Variants in SLCO2A1 observed in about 807,000 individuals in gnomAD.
The protein encoded by SLCO2A1 is solute carrier organic anion transporter family member 2A1.
In SLCO2A1, 60 loss-of-function variants were observed where a neutral mutation model predicts 71.7. That is an observed-to-expected ratio of 0.84 (90% confidence interval 0.68 to 1.04). SLCO2A1 has a LOEUF of 1.04. SLCO2A1 is among the 50% of genes least tolerant of loss of function. The pLI is 0.00. For missense variants in SLCO2A1, 745 were observed against 813.4 expected (o/e 0.92, Z 1.02); for synonymous variants, 308 against 326.7 (o/e 0.94, Z 0.62).
chr3:133,961,524 T>G (rs777646979), intron 3 of SLCO2A1, among the ~76,000 whole-genome samples: 6 of 152,222 alleles, frequency 3.9e-5, no homozygotes, highest in Non-Finnish European at 7.3e-5. Context: ...AATGACTTAT[T>G]AAGTCTTCAT....
At chr3:133,976,706 GA>G (rs1934464422) in intron 2 of SLCO2A1, among the ~76,000 whole-genome samples, 1 of 152,010 alleles carries the variant, frequency 6.6e-6, no homozygotes, top group Non-Finnish European at 1.5e-5. Context: ...GAGACTCTTT[GA>G]AAGCTGTTAC....
intron 1 of SLCO2A1, among the ~76,000 whole-genome samples, chr3:133,983,933 C>T (rs553194947): frequency 2.6e-5 from 4 of 152,228 alleles, no homozygotes; most frequent in East Asian, 1.9e-4. Context: ...AAAGAAGAGA[C>T]GGGGCTGTTT....
chr3:133,980,663 G>A (rs1016934142), intron 1 of SLCO2A1, among the ~76,000 whole-genome samples: 7 of 152,226 alleles, frequency 4.6e-5, no homozygotes, highest in African/African-American at 1.7e-4. Context: ...GAGAGCAACC[G>A]GGGCTCCACC....
intron 3 of SLCO2A1, among the ~76,000 whole-genome samples, chr3:133,970,669 G>T (rs914097873): frequency 2.0e-5 from 3 of 152,212 alleles, no homozygotes; most frequent in African/African-American, 7.2e-5. Context: ...CCAGGAAGAT[G>T]CCCGAAGGTA....
At chr3:133,970,116 G>T (rs1413222501) in intron 3 of SLCO2A1, among the ~76,000 whole-genome samples, 1 of 152,168 alleles carries the variant, frequency 6.6e-6, no homozygotes, top group Non-Finnish European at 1.5e-5. Flanking sequence ...TCTCCTTTGG[G>T]ATCCAGAAAG....
chr3:133,950,292 G>T (rs765404548), intron 6 of SLCO2A1, among the ~76,000 whole-genome samples: 2 of 152,084 alleles, frequency 1.3e-5, no homozygotes, highest in Non-Finnish European at 2.9e-5. Context: ...CCCCCCGGCT[G>T]GGCCTAGATT....
intron 2 of SLCO2A1, among the ~76,000 whole-genome samples, chr3:133,978,028 G>C (rs1468148550): frequency 1.3e-5 from 2 of 152,160 alleles, no homozygotes; most frequent in Non-Finnish European, 2.9e-5. Context: ...CAGAGGAGGA[G>C]GTCTCAGGCC....
At chr3:133,954,059 G>A (rs547168473) in intron 4 of SLCO2A1, among the ~76,000 whole-genome samples, 113 of 152,250 alleles carry the variant, frequency 7.4e-4, no homozygotes, top group Middle Eastern at 3.4e-3. Flanking sequence ...ACGATGCTGG[G>A]GGCCCTCGGA....
At position 133,985,658 on chromosome 3, in the gene SLCO2A1, T is replaced by C. The variant is rs569461360; in HGVS notation, c.97-6040A>G. On this transcript the variant is annotated intron_variant, in intron 1 of 13. Transcript: ENST00000310926. ...ATTGACATTTCCTCCCACCAGAATA[T>C]AGACTTCATGGTGGAAATACAATGT... 1.2e-4 allele frequency among the ~76,000 whole-genome samples: 19 copies of C among 152,352 alleles called. No homozygotes were observed. In the East Asian group the frequency reaches 1.9e-3, roughly 15 times the overall value.
intron 1 of SLCO2A1, among the ~76,000 whole-genome samples, chr3:134,016,021 C>G (rs7630191): frequency 0.52 from 79,480 of 151,840 alleles, 22,267 homozygotes; most frequent in South Asian, 0.68. Flanking sequence ...TAACCTAAAC[C>G]TTACATCCAT....
chr3:133,949,818 T>C lies in SLCO2A1; in HGVS notation c.862-847A>G, dbSNP rs34046215. Among the ~76,000 whole-genome samples, 75 of 152,064 alleles carry C rather than the reference T, an allele frequency of 4.9e-4. 1 individual carries two copies. In the South Asian group the frequency reaches 0.012, roughly 25 times the overall value. On this transcript the variant is annotated intron_variant, in intron 6 of 13. Transcript: ENST00000310926. ...CGAAGCTCACTCAGCTAGTTCATTGTTTTTTATTTTTTATTTTTATTTTTT... is the reference window on the plus strand; with the variant it reads ...CGAAGCTCACTCAGCTAGTTCATTGCTTTTTATTTTTTATTTTTATTTTTT...
At chr3:134,016,824 G>C (rs766757775) in intron 1 of SLCO2A1, among the ~76,000 whole-genome samples, 1 of 152,084 alleles carries the variant, frequency 6.6e-6, no homozygotes, top group Non-Finnish European at 1.5e-5. Context: ...ATTATGGTAC[G>C]GTCATACCAT....
intron 5 of SLCO2A1, 81 bp downstream of exon 5, chr3:133,953,582 C>A (rs1242166182): frequency 1.8e-6 from 2 of 1,112,488 alleles, no homozygotes; most frequent in African/African-American, 1.5e-5. Context: ...AAGCTTCATT[C>A]TCTGTTCTGA....
chr3:133,942,839 G>A, intron 10 of SLCO2A1, 71 bp from the exon 11 acceptor site: 2 of 1,449,856 alleles, frequency 1.4e-6, no homozygotes, highest in South Asian at 2.8e-5. Context: ...TCAGACGTCT[G>A]CACCAGCTCT....
chr3:133,999,215 A>G (rs1935050056), intron 1 of SLCO2A1, among the ~76,000 whole-genome samples: 2 of 152,112 alleles, frequency 1.3e-5, no homozygotes, highest in Non-Finnish European at 2.9e-5. Context: ...GCAGTTCAAA[A>G]CACACACTGT....
chr3:134,014,118 A>G (rs757588412), intron 1 of SLCO2A1, among the ~76,000 whole-genome samples: 4 of 152,198 alleles, frequency 2.6e-5, no homozygotes, highest in Non-Finnish European at 5.9e-5. Context: ...TTGGGTAAAC[A>G]AAATGAAACT....
intron 6 of SLCO2A1, among the ~76,000 whole-genome samples, chr3:133,949,958 G>A (rs1044615652): frequency 6.6e-6 from 1 of 152,084 alleles, no homozygotes; most frequent in Non-Finnish European, 1.5e-5. Flanking sequence ...CTCCCAAGTA[G>A]GTGGGACTAC....
At chr3:133,944,440 G>A (rs976927482) in intron 10 of SLCO2A1, among the ~76,000 whole-genome samples, 2 of 152,208 alleles carry the variant, frequency 1.3e-5, no homozygotes, top group African/African-American at 2.4e-5. Context: ...CCTAGGAGGT[G>A]TGGAGCCACA....
At chr3:133,953,418 A>C (rs756809469) in intron 5 of SLCO2A1, among the ~76,000 whole-genome samples, 1 of 152,170 alleles carries the variant, frequency 6.6e-6, no homozygotes, top group Non-Finnish European at 1.5e-5. Context: ...CAAACTTCTT[A>C]AGGGCAGAAA....
Sources: allele counts gnomAD v4.1 joint callset (sites outside exome capture counted in the v4.1 genomes callset), GRCh38; gene constraint gnomAD v4.1.1; transcripts MANE v1.5; gene names NCBI Gene and HGNC (gene_info 2026-07-23, HGNC 2026-07-21).